The following PRKN variants were observed in gnomAD, a reference collection of about 807,000 sequenced individuals.
PRKN encodes E3 ubiquitin-protein ligase parkin.
PRKN carries 56 observed loss-of-function variants against 59.5 expected under a neutral mutation model. That is an observed-to-expected ratio of 0.94 (90% confidence interval 0.76 to 1.18). The LOEUF is 1.18. Among genes scored for constraint, PRKN ranks in the 50% most tolerant of loss-of-function variants. PRKN has a pLI of 0.00. For missense variants in PRKN, 657 were observed against 596.4 expected (o/e 1.10, Z -1.06); for synonymous variants, 250 against 222.1 (o/e 1.13, Z -1.12).
Position 161,567,037 on chromosome 6 carries a change from T to TTG in PRKN, c.933+2316_933+2317dup, listed in dbSNP as rs1554277340. ...CACTGTCCTTGTTTTTTTTTTTTTT[T>TTG]TGTGTGTGTGTGTGTGTGTGTGAGA... On this transcript the variant is annotated intron_variant, in intron 8 of 11. Transcript: ENST00000366898. Among the ~76,000 whole-genome samples, 629 of 103,762 alleles carry TTG rather than the reference T, an allele frequency of 6.1e-3. 12 individuals are homozygous for TTG. Among genetic ancestry groups the TTG allele is most frequent in the African/African-American group, 0.02 (517 of 25,376 alleles). 68.1% of individuals were successfully genotyped at this position (103,762 alleles called of 152,430 possible). A position where few individuals can be genotyped will look rare whatever the true frequency, so the allele number is the denominator to read the frequency against.
intron 3 of PRKN, among the ~76,000 whole-genome samples, chr6:162,241,482 G>A (rs539320391): frequency 6.6e-6 from 1 of 152,164 alleles, no homozygotes; most frequent in Admixed American, 6.5e-5. Context: ...AATTAGAGAG[G>A]TTGTGATTGA....
chr6:162,718,216 T>C (rs1778800513), intron 1 of PRKN, among the ~76,000 whole-genome samples: 1 of 152,102 alleles, frequency 6.6e-6, no homozygotes, highest in South Asian at 2.1e-4. Flanking sequence ...ATCTTATTAC[T>C]TCTAGGAACT....
intron 7 of PRKN, among the ~76,000 whole-genome samples, chr6:161,597,480 G>A (rs1350465006): frequency 6.6e-6 from 1 of 152,204 alleles, no homozygotes; most frequent in Non-Finnish European, 1.5e-5. Context: ...GACATGTAAA[G>A]GCTCATCTCC....
At chr6:162,570,127 C>T (rs950661024) in intron 1 of PRKN, among the ~76,000 whole-genome samples, 1 of 152,114 alleles carries the variant, frequency 6.6e-6, no homozygotes, top group African/African-American at 2.4e-5. Context: ...ATAATCTGAT[C>T]ATTTTAAATA....
chr6:162,151,463 T>C (rs1782267652), intron 4 of PRKN, among the ~76,000 whole-genome samples: 1 of 152,224 alleles, frequency 6.6e-6, no homozygotes. Flanking sequence ...TAAAATAGCT[T>C]GTGGTTGAAG....
At chr6:162,639,551 A>T (rs192619669) in intron 1 of PRKN, among the ~76,000 whole-genome samples, 1 of 152,328 alleles carries the variant, frequency 6.6e-6, no homozygotes, top group Non-Finnish European at 1.5e-5. Context: ...TCCACCAGAT[A>T]GAAATTATCT....
At position 162,373,867 on chromosome 6, in the gene PRKN, T is replaced by C. The variant is rs193203436; in HGVS notation, c.171+69443A>G. On this transcript the variant is annotated intron_variant, in intron 2 of 11. Coordinates refer to ENST00000366898, the MANE Select transcript of PRKN (RefSeq NM_004562.3). ...TAGAATAGGTTTAGAGAGACTAGTG[T>C]TTTTGTGTGGTCAAAGAAGACTTAT... Among the ~76,000 whole-genome samples the C allele has an allele frequency of 1.9e-3, 290 of 152,216 alleles. 1 individual carries two copies. The highest frequency in any genetic ancestry group is 6.7e-3 in the African/African-American group (279 of 41,544).
At chr6:161,619,627 A>G (rs1302846038) in intron 7 of PRKN, among the ~76,000 whole-genome samples, 1 of 152,158 alleles carries the variant, frequency 6.6e-6, no homozygotes, top group Non-Finnish European at 1.5e-5. Context: ...CTGAGAGAGC[A>G]ATTTATCCAG....
chr6:161,978,411 C>T (rs1469119657), intron 5 of PRKN, among the ~76,000 whole-genome samples: 1 of 152,172 alleles, frequency 6.6e-6, no homozygotes, highest in Non-Finnish European at 1.5e-5. Flanking sequence ...TTTTCTGACA[C>T]TTCCAATCTG....
intron 1 of PRKN, among the ~76,000 whole-genome samples, chr6:162,494,760 T>C (rs548557380): frequency 3.3e-5 from 5 of 152,300 alleles, no homozygotes; most frequent in African/African-American, 1.2e-4. Flanking sequence ...AAATCCCAGT[T>C]ACCCTGCTGA....
At chr6:161,874,574 T>TTG (rs1794585491) in intron 6 of PRKN, among the ~76,000 whole-genome samples, 3 of 97,950 alleles carry the variant, frequency 3.1e-5, no homozygotes, top group African/African-American at 8.8e-5. Flanking sequence ...AAAATATATA[T>TTG]TATGTAAAAT....
rs1562655174 is a variant in PRKN at position 162,304,546 on chromosome 6, T to TCTATCTA, written c.172-41782_172-41781insTAGATAG. 1.6e-3 allele frequency among the ~76,000 whole-genome samples: 181 copies of TCTATCTA among 116,296 alleles called. 1 individual carries two copies. Among genetic ancestry groups the TCTATCTA allele is most frequent in the African/African-American group, 8.0e-3 (175 of 21,808 alleles). 76.3% of individuals were successfully genotyped at this position (116,296 alleles called of 152,430 possible). The stretch of plus-strand genomic sequence containing the variant: ...ATCTATCTATCTATCTATCTATCTA[T>TCTATCTA]TTATCCATCTGTCCATTTATCTATC... On this transcript the variant is annotated intron_variant, in intron 2 of 11. Coordinates refer to ENST00000366898, the MANE Select transcript of PRKN (RefSeq NM_004562.3).
intron 1 of PRKN, among the ~76,000 whole-genome samples, chr6:162,578,476 C>T (rs1006462410): frequency 6.6e-6 from 1 of 152,002 alleles, no homozygotes; most frequent in African/African-American, 2.4e-5. Context: ...TTTAAACAAA[C>T]AGCATAAATA....
At chr6:162,478,771 T>C (rs1413455010) in intron 1 of PRKN, among the ~76,000 whole-genome samples, 3 of 152,180 alleles carry the variant, frequency 2.0e-5, no homozygotes, top group Non-Finnish European at 4.4e-5. Context: ...CACAACATGT[T>C]TACTGAATGC....
chr6:161,941,920 A>C (rs749695728), intron 6 of PRKN, among the ~76,000 whole-genome samples: 2 of 152,206 alleles, frequency 1.3e-5, no homozygotes, highest in Non-Finnish European at 1.5e-5. Flanking sequence ...AAATAGAAAT[A>C]CGTTATTAAT....
chr6:162,570,639 TA>T (rs1358666255), intron 1 of PRKN, among the ~76,000 whole-genome samples: 1 of 152,102 alleles, frequency 6.6e-6, no homozygotes, highest in Non-Finnish European at 1.5e-5. Flanking sequence ...TATTCAGCCA[TA>T]AAAAAGAGTG....
At chr6:161,785,999 TTGTGTAGAC>T in intron 6 of PRKN, 91 bp from the exon 7 acceptor site, 1 of 1,273,994 alleles carries the variant, frequency 7.8e-7, no homozygotes. Flanking sequence ...TCCTGGAGGG[TTGTGTAGAC>T]TGTGCTCTGT....
intron 1 of PRKN, among the ~76,000 whole-genome samples, chr6:162,697,325 A>C (rs1778005853): frequency 6.6e-6 from 1 of 152,222 alleles, no homozygotes; most frequent in African/African-American, 2.4e-5. Context: ...AATATAACTC[A>C]CAGGTTTGAG....
At chr6:162,416,529 C>T (rs1281790775) in intron 2 of PRKN, among the ~76,000 whole-genome samples, 2 of 152,130 alleles carry the variant, frequency 1.3e-5, no homozygotes, top group African/African-American at 2.4e-5. Flanking sequence ...TATTTGGAAG[C>T]ATTTTGATAA....
Sources: allele counts gnomAD v4.1 joint callset (sites outside exome capture counted in the v4.1 genomes callset), GRCh38; gene constraint gnomAD v4.1.1; transcripts MANE v1.5; gene names NCBI Gene and HGNC (gene_info 2026-07-23, HGNC 2026-07-21).